Variants in STMP1 observed in about 807,000 individuals in gnomAD.
The protein encoded by STMP1 is short transmembrane mitochondrial protein 1.
Under a neutral mutation model 7.0 loss-of-function variants are expected in STMP1, and 7 were observed. The ratio of observed to expected loss-of-function variants is 1.01; its 90% CI spans 0.57 to 1.89. The LOEUF is 1.89. Among genes scored for constraint, STMP1 ranks in the 40% most tolerant of loss-of-function variants. The pLI is 0.00. For synonymous variants in STMP1, 19 were observed against 18.4 expected (o/e 1.03, Z -0.08); for missense variants, 45 against 53.0 (o/e 0.85, Z 0.47).
At chr7:135,667,698 A>AT (rs34877253) in intron 1 of STMP1, among the ~76,000 whole-genome samples, 5,342 of 146,004 alleles carry the variant, frequency 0.037, 122 homozygotes, top group Middle Eastern at 0.1. Flanking sequence ...ATGAGGTCCA[A>AT]TTTTTTTTTT....
At chr7:135,665,587 T>G (rs1463013042) in intron 1 of STMP1, 2 of 113,300 alleles carry the variant, frequency 1.8e-5, no homozygotes, top group Admixed American at 8.1e-5. Context: ...GCTCCTAGAC[T>G]TTTTTTTTTT....
chr7:135,666,232 C>T (rs1563148881), intron 1 of STMP1, among the ~76,000 whole-genome samples: 2 of 152,000 alleles, frequency 1.3e-5, no homozygotes, highest in African/African-American at 4.8e-5. Flanking sequence ...TGCACCCGGC[C>T]GGTTTTCCCT....
At chr7:135,663,402 T>G (rs1317657787) in intron 1 of STMP1, among the ~76,000 whole-genome samples, 2 of 152,188 alleles carry the variant, frequency 1.3e-5, no homozygotes, top group African/African-American at 4.8e-5. Context: ...TGGAGTGCAG[T>G]GGCGCAATCT....
chr7:135,673,709 T>C (rs1008725920), intron 2 of STMP1, among the ~76,000 whole-genome samples: 1 of 152,084 alleles, frequency 6.6e-6, no homozygotes, highest in African/African-American at 2.4e-5. Context: ...GAGGCCGAGG[T>C]GGGCAGATTG....
intron 1 of STMP1, among the ~76,000 whole-genome samples, chr7:135,672,411 A>G (rs1795365382): frequency 6.6e-6 from 1 of 152,240 alleles, no homozygotes; most frequent in Admixed American, 6.5e-5. Context: ...AGTTTCCAGG[A>G]CTTGTAGTCA....
intron 1 of STMP1, among the ~76,000 whole-genome samples, chr7:135,669,386 G>A (rs1034447732): frequency 6.6e-6 from 1 of 152,276 alleles, no homozygotes; most frequent in African/African-American, 2.4e-5. Context: ...GATGTTTGGA[G>A]CATCTGTTAA....
intron 1 of STMP1, among the ~76,000 whole-genome samples, chr7:135,669,844 G>A (rs1344916214): frequency 6.6e-6 from 1 of 152,208 alleles, no homozygotes; most frequent in Non-Finnish European, 1.5e-5. Flanking sequence ...GTTAGTTCAG[G>A]TCAGATATGC....
intron 1 of STMP1, among the ~76,000 whole-genome samples, chr7:135,663,034 C>T (rs1016020652): frequency 3.9e-5 from 6 of 152,146 alleles, no homozygotes; most frequent in Non-Finnish European, 7.3e-5. Context: ...GTAGGAAGGC[C>T]AGGAATAAAC....
At chr7:135,664,697 AC>A (rs1795274612) in intron 1 of STMP1, among the ~76,000 whole-genome samples, 1 of 152,104 alleles carries the variant, frequency 6.6e-6, no homozygotes, top group South Asian at 2.1e-4. Context: ...AAGTAACTGA[AC>A]ACTGATGTTC....
intron 1 of STMP1, 25 bp from the exon 2 acceptor site, chr7:135,672,728 A>C (rs3110823): frequency 0.18 from 279,221 of 1,535,104 alleles, 28,955 homozygotes; most frequent in East Asian, 0.47. Context: ...CATGCACTAT[A>C]ACTCTTACTG....
chr7:135,669,640 T>G (rs1285689699), intron 1 of STMP1, among the ~76,000 whole-genome samples: 1 of 152,254 alleles, frequency 6.6e-6, no homozygotes, highest in Non-Finnish European at 1.5e-5. Context: ...AGCTGCATCA[T>G]GTACCTCGGT....
chr7:135,663,871 C>A (rs1795263669), intron 1 of STMP1, among the ~76,000 whole-genome samples: 1 of 151,912 alleles, frequency 6.6e-6, no homozygotes. Flanking sequence ...GTCTCGATCT[C>A]CTGACCTCGG....
At position 135,674,684 on chromosome 7, in the gene STMP1, G is replaced by T. The variant is rs1445436948; in HGVS notation, c.*519G>T. 1 of 152,250 alleles carries T rather than the reference G, an allele frequency of 6.6e-6. No homozygotes were observed. The highest frequency in any genetic ancestry group is 1.5e-5 in the Non-Finnish European group (1 of 68,092). The allele number at this position is 152,250 out of a possible 1,614,324, so 9.4% of individuals were successfully genotyped here. Reference sequence around the variant, plus strand: ...TTTTGTACTGTTGTTAGGCAGCTCTGTAGTTGCTAATTTAACCAATAAGTC... The same window carrying T: ...TTTTGTACTGTTGTTAGGCAGCTCTTTAGTTGCTAATTTAACCAATAAGTC... On this transcript the variant is annotated 3_prime_UTR_variant, in exon 3 of 3. Coordinates refer to ENST00000507606, the MANE Select transcript of STMP1 (RefSeq NM_001130929.2).
chr7:135,662,585 C>G lies in STMP1; in HGVS notation c.6C>G (p.Leu2=), dbSNP rs1327070494. Residue 2 remains leucine (L), a synonymous_variant, in exon 1 of 3, where the codon CTC becomes CTG. Coordinates refer to ENST00000507606, the MANE Select transcript of STMP1 (RefSeq NM_001130929.2). Reference sequence around the variant, plus strand: ...TCGCCCTCCCCACCGACATCATGCTCCAGTTCCTGGTGAGTGGAGCTGCCG... The same window carrying G: ...TCGCCCTCCCCACCGACATCATGCTGCAGTTCCTGGTGAGTGGAGCTGCCG... M[L]QFLLGFTLGN... The G allele has an allele frequency of 2.6e-6, 4 of 1,548,686 alleles. No individual in the cohort carries two copies. The highest frequency in any genetic ancestry group is 3.5e-6 in the Non-Finnish European group (4 of 1,145,808).
chr7:135,674,441 T>G lies in STMP1; in HGVS notation c.*276T>G. 1 of 344,530 alleles carries G rather than the reference T, an allele frequency of 2.9e-6. No homozygotes were observed. Among genetic ancestry groups the G allele is most frequent in the East Asian group, 4.6e-5 (1 of 21,574 alleles). 21.3% of individuals were successfully genotyped at this position (344,530 alleles called of 1,614,324 possible). ...TGGTGCTAGATTAGTAAACATGACT[T>G]TTAATGAGTAGTGTCTTCTTTATCG... On this transcript the variant is annotated 3_prime_UTR_variant, in exon 3 of 3. Coordinates refer to ENST00000507606, the MANE Select transcript of STMP1 (RefSeq NM_001130929.2).
intron 2 of STMP1, 59 bp downstream of exon 2, chr7:135,672,865 C>T (rs1037093140): frequency 3.5e-6 from 5 of 1,421,290 alleles, no homozygotes; most frequent in Middle Eastern, 1.7e-4. Flanking sequence ...AGTGACTTTT[C>T]TTTGTTTGAG....
chr7:135,662,582 GCTCCAGTTC>G lies in STMP1; in HGVS notation c.6_14del (p.Gln3_Leu5del). The G allele has an allele frequency of 6.5e-7, 1 of 1,548,248 alleles. No homozygotes were observed. The highest frequency in any genetic ancestry group is 8.7e-7 in the Non-Finnish European group (1 of 1,145,626). On this transcript the variant is annotated inframe_deletion, in exon 1 of 3. Transcript: ENST00000507606. ...TCCTCGCCCTCCCCACCGACATCATGCTCCAGTTCCTGGTGAGTGGAGCTGCCGAAGAGC... is the reference window on the plus strand; with the variant it reads ...TCCTCGCCCTCCCCACCGACATCATGCTGGTGAGTGGAGCTGCCGAAGAGC...
intron 1 of STMP1, among the ~76,000 whole-genome samples, chr7:135,670,170 C>G (rs1449226232): frequency 2.0e-5 from 3 of 152,122 alleles, no homozygotes; most frequent in Non-Finnish European, 1.5e-5. Context: ...TTTTTCATAC[C>G]CCTAAAGTCT....
intron 1 of STMP1, among the ~76,000 whole-genome samples, chr7:135,663,219 A>T (rs942937419): frequency 2.0e-5 from 3 of 152,244 alleles, no homozygotes; most frequent in Non-Finnish European, 4.4e-5. Flanking sequence ...TTTTCTGGCA[A>T]AACTCGGTAT....
Sources: allele counts gnomAD v4.1 joint callset (sites outside exome capture counted in the v4.1 genomes callset), GRCh38; gene constraint gnomAD v4.1.1; transcripts MANE v1.5; gene names NCBI Gene and HGNC (gene_info 2026-07-23, HGNC 2026-07-21).